Variants in RNF115 observed in about 807,000 individuals in gnomAD.
The protein encoded by RNF115 is ring finger protein 115, also known as E3 ubiquitin-protein ligase RNF115.
RNF115 carries 31 observed loss-of-function variants against 39.2 expected under a neutral mutation model. The observed-to-expected ratio is 0.79, with a 90% CI of 0.59 to 1.07. The LOEUF is 1.07. Among genes scored for constraint, RNF115 ranks in the 50% least tolerant of loss-of-function variants. The probability of loss-of-function intolerance (pLI) is 0.00; values close to 1 mark genes in which losing one functional copy is unlikely to be tolerated. For synonymous variants in RNF115, 124 were observed against 131.0 expected (o/e 0.95, Z 0.37); for missense variants, 384 against 381.7 (o/e 1.01, Z -0.05).
intron 3 of RNF115, among the ~76,000 whole-genome samples, chr1:145,779,878 G>A (rs1648046965): frequency 6.6e-6 from 1 of 151,918 alleles, no homozygotes; most frequent in South Asian, 2.1e-4. Flanking sequence ...GGACAGGCTG[G>A]TCTGGAACTC....
intron 1 of RNF115, among the ~76,000 whole-genome samples, chr1:145,799,914 A>G (rs1479670196): frequency 1.3e-5 from 2 of 152,194 alleles, no homozygotes. Context: ...TTTCATAAAT[A>G]CACTTTGATA....
intron 1 of RNF115, among the ~76,000 whole-genome samples, chr1:145,801,818 C>T (rs1255551395): frequency 6.6e-6 from 1 of 152,056 alleles, no homozygotes; most frequent in African/African-American, 2.4e-5. Flanking sequence ...GACAGGGTCT[C>T]GCTCTGTTGC....
intron 4 of RNF115, among the ~76,000 whole-genome samples, chr1:145,755,025 C>T (rs1292454282): frequency 6.6e-6 from 1 of 151,918 alleles, no homozygotes; most frequent in Non-Finnish European, 1.5e-5. Flanking sequence ...GTGGGTGGAT[C>T]ACTTGAGGTC....
At chr1:145,805,742 A>G (rs1248338418) in intron 1 of RNF115, among the ~76,000 whole-genome samples, 4 of 152,178 alleles carry the variant, frequency 2.6e-5, no homozygotes, top group Admixed American at 2.0e-4. Context: ...AATACCCCAG[A>G]GCTCAAATCA....
chr1:145,752,824 T>C (rs988310352), intron 5 of RNF115, among the ~76,000 whole-genome samples, 154 bp downstream of exon 5: 7 of 152,014 alleles, frequency 4.6e-5, no homozygotes, highest in Admixed American at 4.6e-4. Flanking sequence ...CCTGACCTCG[T>C]GATCCGCCAG....
intron 4 of RNF115, among the ~76,000 whole-genome samples, chr1:145,758,015 G>A (rs1180464283): frequency 2.0e-5 from 3 of 152,156 alleles, no homozygotes; most frequent in Non-Finnish European, 4.4e-5. Flanking sequence ...TAGAAGAAGT[G>A]TAAATAATTT....
chr1:145,784,465 G>C (rs191152609), intron 3 of RNF115, 74 bp downstream of exon 3: 61 of 1,303,764 alleles, frequency 4.7e-5, no homozygotes, highest in Admixed American at 2.7e-4. Flanking sequence ...TGCCACACTG[G>C]AAAGTTAGTA....
chr1:145,787,101 T>A, intron 2 of RNF115: 1 of 1,055,346 alleles, frequency 9.5e-7, no homozygotes, highest in Non-Finnish European at 1.3e-6. Flanking sequence ...CCTACTGCCA[T>A]TAAAATCTCC....
chr1:145,757,869 T>C (rs1041601562), intron 4 of RNF115, among the ~76,000 whole-genome samples: 8 of 152,166 alleles, frequency 5.3e-5, no homozygotes, highest in Non-Finnish European at 7.4e-5. Flanking sequence ...GAACTATACC[T>C]GAGGAACTAT....
intron 1 of RNF115, among the ~76,000 whole-genome samples, chr1:145,793,190 T>A (rs1553719235): frequency 1.3e-5 from 2 of 152,184 alleles, no homozygotes; most frequent in African/African-American, 4.8e-5. Context: ...TGGTGGCGCA[T>A]GCCTATAGTC....
chr1:145,806,114 G>A (rs1553721543), intron 1 of RNF115, among the ~76,000 whole-genome samples: 1 of 152,160 alleles, frequency 6.6e-6, no homozygotes, highest in Non-Finnish European at 1.5e-5. Flanking sequence ...TTGGGAAGCT[G>A]AGGCGGGTGG....
At chr1:145,784,690 C>A in intron 2 of RNF115, 94 bp from the exon 3 acceptor site, 1 of 1,067,732 alleles carries the variant, frequency 9.4e-7, no homozygotes, top group African/African-American at 1.6e-5. Flanking sequence ...GAACAAAGCC[C>A]AATAAGGAAA....
intron 2 of RNF115, among the ~76,000 whole-genome samples, chr1:145,788,434 A>G (rs147673272): frequency 1.3e-5 from 2 of 152,256 alleles, no homozygotes; most frequent in African/African-American, 2.4e-5. Flanking sequence ...CAGAGTAACA[A>G]TTGGTTTTCC....
intron 8 of RNF115, 32 bp downstream of exon 8, chr1:145,747,962 TC>T (rs782737209): frequency 7.5e-5 from 102 of 1,352,314 alleles, no homozygotes; most frequent in Non-Finnish European, 1.1e-4. Context: ...CTCTGAATCA[TC>T]CCCCAAAGAA....
chr1:145,767,411 G>A (rs1479948143), intron 4 of RNF115, among the ~76,000 whole-genome samples: 2 of 151,670 alleles, frequency 1.3e-5, no homozygotes, highest in African/African-American at 4.8e-5. Context: ...CATCTCAGAT[G>A]ATGGGCGGCC....
chr1:145,789,236 A>C (rs1648540713), intron 1 of RNF115, among the ~76,000 whole-genome samples: 1 of 151,940 alleles, frequency 6.6e-6, no homozygotes, highest in South Asian at 2.1e-4. Context: ...CAGAGTAGCT[A>C]GGACCACAGG....
intron 1 of RNF115, among the ~76,000 whole-genome samples, chr1:145,802,015 T>C (rs1046816198): frequency 6.6e-6 from 1 of 152,160 alleles, no homozygotes. Flanking sequence ...CTCGAACTCC[T>C]GAGCTCAAGC....
chr1:145,791,001 G>A (rs1450796612), intron 1 of RNF115, among the ~76,000 whole-genome samples: 8 of 151,906 alleles, frequency 5.3e-5, no homozygotes, highest in African/African-American at 1.9e-4. Context: ...ATTAGCTGGG[G>A]TGTGGTGGCG....
intron 1 of RNF115, among the ~76,000 whole-genome samples, chr1:145,804,799 C>T (rs991478790): frequency 3.3e-5 from 5 of 152,030 alleles, no homozygotes; most frequent in Non-Finnish European, 7.4e-5. Context: ...TTTTCAGAAC[C>T]ATTAATATGC....
Sources: allele counts gnomAD v4.1 joint callset (sites outside exome capture counted in the v4.1 genomes callset), GRCh38; gene constraint gnomAD v4.1.1; transcripts MANE v1.5; gene names NCBI Gene and HGNC (gene_info 2026-07-23, HGNC 2026-07-21).